Variants in DPYSL2 observed in about 807,000 individuals in gnomAD.
DPYSL2 encodes dihydropyrimidinase like 2, also known as dihydropyrimidinase-related protein 2.
A neutral mutation model predicts 69.9 loss-of-function variants in DPYSL2; 13 were observed. That is an observed-to-expected ratio of 0.19 (90% CI 0.12 to 0.30). The LOEUF (loss-of-function observed/expected upper bound fraction) is 0.30, where lower values mean the gene tolerates loss of function less well. DPYSL2 is among the 10% of genes least tolerant of loss of function. The pLI is 1.00. For synonymous variants in DPYSL2, 326 were observed against 359.1 expected, an observed-to-expected ratio of 0.91 and a Z score of 1.04; for missense variants, 587 against 918.9, an observed-to-expected ratio of 0.64 and a Z score of 4.67.
rs1803073286 is a variant in DPYSL2 at position 26,642,536 on chromosome 8, A to G, written c.1127-903A>G. On this transcript the variant is annotated intron_variant, in intron 8 of 13. Coordinates refer to ENST00000521913, the MANE Select transcript of DPYSL2 (RefSeq NM_001197293.3). This position sits in a 1 kb window ranked among gnomAD's most constrained non-coding sequence, Gnocchi z 5.3. ...GGTAGGAAGCGGGGTTGGGAGAGCA[A>G]ACGTAAATCTAAGGTCCAATTGGGA... Among the ~76,000 whole-genome samples the G allele has an allele frequency of 6.6e-6, 1 of 152,178 alleles. No individual in the cohort carries two copies. Among genetic ancestry groups the G allele is most frequent in the South Asian group, 2.1e-4 (1 of 4,814 alleles).
chr8:26,556,329 T>C (rs1455652311), intron 1 of DPYSL2, among the ~76,000 whole-genome samples: 1 of 20,802 alleles, frequency 4.8e-5, no homozygotes, highest in African/African-American at 9.6e-5. Context: ...ATATATATAG[T>C]ATATATATAG....
chr8:26,566,687 C>T (rs1050491316), intron 1 of DPYSL2, among the ~76,000 whole-genome samples: 65 of 152,102 alleles, frequency 4.3e-4, no homozygotes, highest in African/African-American at 4.8e-5. Context: ...ACTAAATGGA[C>T]GAGGCCTAAG....
chr8:26,534,157 C>T (rs991143247), intron 1 of DPYSL2, among the ~76,000 whole-genome samples: 1 of 152,168 alleles, frequency 6.6e-6, no homozygotes, highest in South Asian at 2.1e-4. Context: ...CCGTGCTAAG[C>T]CATTTATATG....
intron 1 of DPYSL2, among the ~76,000 whole-genome samples, chr8:26,573,099 T>C (rs1801266422): frequency 6.6e-6 from 1 of 152,226 alleles, no homozygotes; most frequent in Non-Finnish European, 1.5e-5. Context: ...GTTTTGTTAG[T>C]GGAGGCGGAG....
chr8:26,603,339 A>G (rs1012084921), intron 3 of DPYSL2, among the ~76,000 whole-genome samples: 1 of 151,850 alleles, frequency 6.6e-6, no homozygotes, highest in Admixed American at 6.6e-5. Context: ...CACCCGGCTA[A>G]TTTTTGTATT....
rs143914097 is a variant in DPYSL2 at position 26,571,166 on chromosome 8, T to C, written c.355-10803T>C. 6.6e-6 allele frequency among the ~76,000 whole-genome samples: 1 copy of C among 152,320 alleles called. No homozygotes were observed. The highest frequency in any genetic ancestry group is 2.4e-5 in the African/African-American group (1 of 41,582). On this transcript the variant is annotated intron_variant, in intron 1 of 13. Transcript: ENST00000521913. The surrounding 1 kb of genome is among the most constrained non-coding windows in gnomAD (Gnocchi z 6.1). ...TGAGCCCTTCCTCCTAGTCCATGTT[T>C]TCCTCCTTCTATAAATAGAGGGTGG...
chr8:26,556,354 A>ATATAC (rs1554535435), intron 1 of DPYSL2, among the ~76,000 whole-genome samples: 40 of 14,058 alleles, frequency 2.8e-3, no homozygotes, highest in Non-Finnish European at 4.4e-3. Context: ...TATATATAGT[A>ATATAC]TATATATATA....
intron 3 of DPYSL2, among the ~76,000 whole-genome samples, chr8:26,603,462 C>T (rs13262574): frequency 0.089 from 13,544 of 152,276 alleles, 788 homozygotes; most frequent in Non-Finnish European, 0.12. Context: ...TGAGCCACCG[C>T]GCCCGGCTCT....
chr8:26,585,790 T>C lies in DPYSL2; in HGVS notation c.628+1807T>C, dbSNP rs1194809785. ...GAGACCCTGCAGGCCCCTGGATTGG[T>C]CACAGACAGTCAATAAGCCATTAAA... On this transcript the variant is annotated intron_variant, in intron 3 of 13. Coordinates refer to ENST00000521913, the MANE Select transcript of DPYSL2 (RefSeq NM_001197293.3). This position sits in a 1 kb window ranked among gnomAD's most constrained non-coding sequence, Gnocchi z 4.0. Among the ~76,000 whole-genome samples, 1 of 152,162 alleles carries C rather than the reference T, an allele frequency of 6.6e-6. No individual in the cohort carries two copies. The highest frequency in any genetic ancestry group is 2.4e-5 in the African/African-American group (1 of 41,434).
Position 26,562,335 on chromosome 8 carries a change from C to G in DPYSL2, c.355-19634C>G, listed in dbSNP as rs1261912878. 6.6e-6 allele frequency among the ~76,000 whole-genome samples: 1 copy of G among 152,182 alleles called. No individual in the cohort carries two copies. Among genetic ancestry groups the G allele is most frequent in the Non-Finnish European group, 1.5e-5 (1 of 68,030 alleles). ...TACTTGCAAAGCACTGAGAACAATGCCTGGCCCAGTAATTGCTGCAAAAGT... is the reference window on the plus strand; with the variant it reads ...TACTTGCAAAGCACTGAGAACAATGGCTGGCCCAGTAATTGCTGCAAAAGT... On this transcript the variant is annotated intron_variant, in intron 1 of 13. Coordinates refer to ENST00000521913, the MANE Select transcript of DPYSL2 (RefSeq NM_001197293.3). The surrounding 1 kb of genome is among the most constrained non-coding windows in gnomAD (Gnocchi z 4.9).
intron 3 of DPYSL2, among the ~76,000 whole-genome samples, chr8:26,618,656 C>T (rs1306891412): frequency 6.6e-6 from 1 of 150,386 alleles, no homozygotes; most frequent in African/African-American, 2.4e-5. Flanking sequence ...ATGGAGGTTC[C>T]TGGCTGGGTG....
intron 1 of DPYSL2, among the ~76,000 whole-genome samples, chr8:26,515,902 A>C (rs1324327660): frequency 2.6e-5 from 4 of 152,202 alleles, no homozygotes; most frequent in African/African-American, 9.6e-5. Context: ...AGTAGTTGGG[A>C]GTGGTCTATA....
intron 3 of DPYSL2, 121 bp downstream of exon 3, chr8:26,584,104 A>G (rs1801545831): frequency 3.2e-6 from 3 of 937,964 alleles, no homozygotes; most frequent in Non-Finnish European, 4.8e-6. Flanking sequence ...AATCTACCAA[A>G]TAAGGGGGTG....
intron 10 of DPYSL2, among the ~76,000 whole-genome samples, chr8:26,645,905 C>T (rs1336268592): frequency 6.6e-6 from 1 of 150,636 alleles, no homozygotes; most frequent in East Asian, 2.0e-4. Flanking sequence ...CACTCTTTCC[C>T]CCCAGGCTGG....
At chr8:26,559,099 C>T (rs1419462249) in intron 1 of DPYSL2, among the ~76,000 whole-genome samples, 3 of 152,206 alleles carry the variant, frequency 2.0e-5, no homozygotes, top group African/African-American at 7.2e-5. Flanking sequence ...CACGCCACCA[C>T]GCCTGGCTAA....
chr8:26,585,716 G>A lies in DPYSL2; in HGVS notation c.628+1733G>A, dbSNP rs971317989. Among the ~76,000 whole-genome samples, 1 of 152,136 alleles carries A rather than the reference G, an allele frequency of 6.6e-6. No homozygotes were observed. Among genetic ancestry groups the A allele is most frequent in the African/African-American group, 2.4e-5 (1 of 41,422 alleles). On this transcript the variant is annotated intron_variant, in intron 3 of 13. Transcript: ENST00000521913. This position sits in a 1 kb window ranked among gnomAD's most constrained non-coding sequence, Gnocchi z 4.0. The stretch of plus-strand genomic sequence containing the variant: ...AGCTTAGACTATTCGGGTGTCAGCC[G>A]GGAAGGCCAAGTCAGGGTGATCATC...
intron 1 of DPYSL2, among the ~76,000 whole-genome samples, chr8:26,543,436 T>A (rs145285217): frequency 1.4e-4 from 22 of 152,278 alleles, no homozygotes; most frequent in African/African-American, 4.3e-4. Context: ...CTTCATTTTT[T>A]GTATCAATTA....
intron 7 of DPYSL2, among the ~76,000 whole-genome samples, chr8:26,630,580 A>G (rs999712666): frequency 3.4e-5 from 5 of 146,936 alleles, no homozygotes; most frequent in African/African-American, 1.2e-4. Flanking sequence ...TGTCCTGTGC[A>G]GGAGGTACAA....
At chr8:26,606,805 C>T (rs916482088) in intron 3 of DPYSL2, among the ~76,000 whole-genome samples, 1 of 152,104 alleles carries the variant, frequency 6.6e-6, no homozygotes, top group African/African-American at 2.4e-5. Flanking sequence ...ATAAATAATA[C>T]TTCAGGCAAA....
Sources: allele counts gnomAD v4.1 joint callset (sites outside exome capture counted in the v4.1 genomes callset), GRCh38; gene constraint gnomAD v4.1.1; non-coding constraint Gnocchi (gnomAD v3.1); transcripts MANE v1.5; gene names NCBI Gene and HGNC (gene_info 2026-07-23, HGNC 2026-07-21).